The following N4BP1 variants were observed in gnomAD, a reference collection of about 807,000 sequenced individuals.
N4BP1 encodes NEDD4-binding protein 1.
N4BP1 carries 21 observed loss-of-function variants against 70.9 expected under a neutral mutation model. The ratio of observed to expected loss-of-function variants is 0.30; its 90% CI spans 0.21 to 0.43. The LOEUF is 0.43. Among genes scored for constraint, N4BP1 ranks in the 20% least tolerant of loss-of-function variants. The pLI, the probability that N4BP1 is intolerant of heterozygous loss-of-function variation, is 1.00. For missense variants in N4BP1, 936 were observed against 1,069.4 expected (o/e 0.88, Z 1.74); for synonymous variants, 387 against 394.6 (o/e 0.98, Z 0.23).
chr16:48,574,177 T>C (rs1964060806), intron 1 of N4BP1, among the ~76,000 whole-genome samples: 1 of 152,224 alleles, frequency 6.6e-6, no homozygotes, highest in African/African-American at 2.4e-5. Context: ...ATAAATCTTT[T>C]AGTACTACTT....
chr16:48,560,740 G>A lies in N4BP1; in HGVS notation c.1889+14C>T. The A allele has an allele frequency of 1.3e-6, 2 of 1,578,794 alleles. No individual in the cohort carries two copies. Among genetic ancestry groups the A allele is most frequent in the Non-Finnish European group, 1.7e-6 (2 of 1,165,804 alleles). On this transcript the variant is annotated intron_variant, in intron 2 of 6. Transcript: ENST00000262384. ...CCTATTTAAAATAAAATAATCTGCAGAGAATGGACTTACGTAATTGCAACA... is the reference window on the plus strand; with the variant it reads ...CCTATTTAAAATAAAATAATCTGCAAAGAATGGACTTACGTAATTGCAACA...
chr16:48,589,224 A>G (rs1346612547), intron 1 of N4BP1, among the ~76,000 whole-genome samples: 1 of 152,180 alleles, frequency 6.6e-6, no homozygotes, highest in East Asian at 1.9e-4. Context: ...TAGTCTTTTC[A>G]TATCCTAATG....
At chr16:48,603,882 T>C (rs1181691286) in intron 1 of N4BP1, among the ~76,000 whole-genome samples, 1 of 152,166 alleles carries the variant, frequency 6.6e-6, no homozygotes, top group Non-Finnish European at 1.5e-5. Context: ...TCTCATCTGT[T>C]TCCCTGTCCT....
At chr16:48,575,305 T>G (rs970482634) in intron 1 of N4BP1, among the ~76,000 whole-genome samples, 1 of 152,328 alleles carries the variant, frequency 6.6e-6, no homozygotes, top group East Asian at 1.9e-4. Flanking sequence ...TAATGTTAGT[T>G]AAAAATATCT....
In N4BP1 at chr16:48,571,369, T is replaced by G. The variant is rs567151524; in HGVS notation, c.199-8925A>C. On this transcript the variant is annotated intron_variant, in intron 1 of 6. Coordinates refer to ENST00000262384, the MANE Select transcript of N4BP1 (RefSeq NM_153029.4). ...GGCTATTGCTATATCTGACCCAAGA[T>G]AGAGCCCACCTAATGACAGATTCTG... 2.3e-4 allele frequency among the ~76,000 whole-genome samples: 35 copies of G among 152,210 alleles called. 1 individual carries two copies. Among genetic ancestry groups the G allele is most frequent in the Non-Finnish European group, 2.9e-5 (2 of 68,044 alleles).
intron 2 of N4BP1, 50 bp downstream of exon 2, chr16:48,560,704 C>T (rs895465024): frequency 1.9e-6 from 3 of 1,540,548 alleles, no homozygotes; most frequent in Non-Finnish European, 2.6e-6. Context: ...TTCTGAGACA[C>T]CATTTAGAGC....
chr16:48,603,839 C>T (rs1222239363), intron 1 of N4BP1: 1 of 152,404 alleles, frequency 6.6e-6, no homozygotes, highest in East Asian at 1.9e-4. Flanking sequence ...TTGTCCCTCC[C>T]TTAATCCTTG....
intron 1 of N4BP1, chr16:48,600,199 T>C (rs1964474789): frequency 1.4e-6 from 1 of 691,152 alleles, no homozygotes; most frequent in South Asian, 1.5e-5. Flanking sequence ...TTTGGGCCCA[T>C]CTACCCTGGC....
At chr16:48,596,213 C>T (rs543761294) in intron 1 of N4BP1, among the ~76,000 whole-genome samples, 1 of 151,856 alleles carries the variant, frequency 6.6e-6, no homozygotes, top group South Asian at 2.1e-4. Flanking sequence ...TATTTTTTTT[C>T]CTCTGCAATT....
intron 4 of N4BP1, 145 bp from the exon 5 acceptor site, chr16:48,548,259 A>G (rs1963617355): frequency 1.7e-6 from 1 of 594,822 alleles, no homozygotes; most frequent in East Asian, 2.8e-5. Context: ...TTTAGCCCCT[A>G]TCAACTGAAG....
rs114301088 is a variant in N4BP1, at chr16:48,572,819, A to G, written c.199-10375T>C. On this transcript the variant is annotated intron_variant, in intron 1 of 6. Coordinates refer to ENST00000262384, the MANE Select transcript of N4BP1 (RefSeq NM_153029.4). The stretch of plus-strand genomic sequence containing the variant: ...ATAAAACACATTTCACAAGTGGATG[A>G]AAACAGGGCAGATACAAATTTCAGG... 5.1e-3 allele frequency among the ~76,000 whole-genome samples: 779 copies of G among 152,324 alleles called. 6 individuals are homozygous for G. Among genetic ancestry groups the G allele is most frequent in the African/African-American group, 0.017 (703 of 41,562 alleles).
At chr16:48,571,336 T>C (rs969361269) in intron 1 of N4BP1, among the ~76,000 whole-genome samples, 4 of 152,082 alleles carry the variant, frequency 2.6e-5, no homozygotes, top group African/African-American at 9.7e-5. Context: ...AAATGCTCCC[T>C]CAAAAGGGGC....
At chr16:48,582,695 A>G (rs1964189831) in intron 1 of N4BP1, among the ~76,000 whole-genome samples, 1 of 151,148 alleles carries the variant, frequency 6.6e-6, no homozygotes, top group South Asian at 2.1e-4. Context: ...TACGTATAGG[A>G]AAAAAAACGT....
intron 1 of N4BP1, among the ~76,000 whole-genome samples, chr16:48,609,196 G>C (rs1459664319): frequency 3.3e-5 from 5 of 152,144 alleles, no homozygotes; most frequent in African/African-American, 1.2e-4. Context: ...CACTGTGGGT[G>C]ACAGAGTGAG....
chr16:48,573,108 CAAA>C (rs67326386), intron 1 of N4BP1, among the ~76,000 whole-genome samples: 11 of 111,184 alleles, frequency 9.9e-5, no homozygotes, highest in Admixed American at 1.8e-4. Flanking sequence ...GACCTTGTCT[CAAA>C]AAAAAAAAAA....
chr16:48,567,460 G>A (rs1042722498), intron 1 of N4BP1, among the ~76,000 whole-genome samples: 2 of 152,078 alleles, frequency 1.3e-5, no homozygotes, highest in Non-Finnish European at 2.9e-5. Context: ...TGGGATTACA[G>A]GTGCACACCA....
At chr16:48,585,951 C>T (rs1029877318) in intron 1 of N4BP1, among the ~76,000 whole-genome samples, 1 of 152,164 alleles carries the variant, frequency 6.6e-6, no homozygotes, top group Non-Finnish European at 1.5e-5. Context: ...CCGCCTCGGC[C>T]TCCCAAAGTG....
At position 48,561,723 on chromosome 16, in the gene N4BP1, C is replaced by G; in HGVS notation, c.920G>C (p.Gly307Ala). The change falls in exon 2 of 7, where the codon GGG becomes GCG. Residue 307 changes from glycine to alanine, a missense_variant. This residue lies in a region of N4BP1 where 515 missense variants were observed against 491.7 expected (regional missense o/e 1.05). Coordinates refer to ENST00000262384, the MANE Select transcript of N4BP1 (RefSeq NM_153029.4). The part of the protein sequence containing the change: ...KQFSLENVQE[G>A]EILHDAKTLA... ...TGTCTTAGCATCGTGTAAAATCTCCCCCTCCTGAACATTTTCCAAAGAAAA... is the reference window on the plus strand; with the variant it reads ...TGTCTTAGCATCGTGTAAAATCTCCGCCTCCTGAACATTTTCCAAAGAAAA... 1 of 1,612,182 alleles carries G rather than the reference C, an allele frequency of 6.2e-7. No individual in the cohort carries two copies.
In N4BP1 at chr16:48,561,452, A is replaced by G. The variant is rs556435585; in HGVS notation, c.1191T>C (p.Phe397=). The change falls in exon 2 of 7, where the codon TTT becomes TTC. Residue 397 remains phenylalanine, a synonymous_variant. Transcript: ENST00000262384. ...TCTCTGGATACACTGTACCAGCTGA[A>G]AATTCTCTGTCTTCTTGGAATCTTT... The part of the protein sequence containing the change: ...ENKRFQEDRE[F]SAGTVYPETN... 3.1e-6 allele frequency: 5 copies of G among 1,611,958 alleles called. No individual in the cohort carries two copies. Among genetic ancestry groups the G allele is most frequent in the Non-Finnish European group, 4.2e-6 (5 of 1,179,472 alleles).
Sources: gnomAD v4.1 joint callset for allele counts (sites outside exome capture counted in the v4.1 genomes callset) on GRCh38, gnomAD v4.1.1 for gene constraint, gnomAD v4.1.1 regional missense constraint, MANE v1.5 for transcripts, NCBI Gene and HGNC (gene_info 2026-07-23, HGNC 2026-07-21) for gene names.